TANC2: variants seen among roughly 807,000 people sequenced by gnomAD.
TANC2 encodes protein TANC2.
In TANC2, 26 loss-of-function variants were observed where a neutral mutation model predicts 210.5. That is an observed-to-expected ratio of 0.12 (90% CI 0.09 to 0.17). The LOEUF is 0.17. Among genes scored for constraint, TANC2 ranks in the 10% least tolerant of loss-of-function variants. The pLI is 1.00. For missense variants in TANC2, 2,129 were observed against 2,608.9 expected (o/e 0.82, Z 4.01); for synonymous variants, 931 against 967.1 (o/e 0.96, Z 0.69).
At chr17:63,084,480 C>T (rs907231214) in intron 3 of TANC2, among the ~76,000 whole-genome samples, 1 of 151,404 alleles carries the variant, frequency 6.6e-6, no homozygotes. Flanking sequence ...TCTATTGATT[C>T]CCATTTCCAA....
At chr17:63,206,659 T>C (rs554585900) in intron 7 of TANC2, among the ~76,000 whole-genome samples, 12 of 152,208 alleles carry the variant, frequency 7.9e-5, no homozygotes, top group African/African-American at 2.6e-4. Flanking sequence ...AGCTAAATCA[T>C]AGAGACAAAA....
At chr17:63,335,808 T>C (rs1413304931) in intron 11 of TANC2, among the ~76,000 whole-genome samples, 1 of 152,198 alleles carries the variant, frequency 6.6e-6, no homozygotes, top group East Asian at 1.9e-4. Flanking sequence ...GTTAATTTCC[T>C]GGTTTTGATA....
At chr17:63,276,565 T>C (rs1305459056) in intron 9 of TANC2, among the ~76,000 whole-genome samples, 4 of 151,876 alleles carry the variant, frequency 2.6e-5, no homozygotes. Context: ...CAGCAGTGAC[T>C]GCAGATTTTT....
At chr17:63,319,006 C>G in exon 11 of TANC2, 1 of 1,613,652 alleles carries the variant, frequency 6.2e-7, no homozygotes, top group Non-Finnish European at 8.5e-7. Context: ...CTTCAGCCCA[C>G]TCATCTATCA....
rs149792864 is a variant in TANC2, at chr17:63,043,140, TC to T, written c.68-30802del. ...GGCTTGGTTAGATTGAGAAATAGCTTCAGCAATTAATTAGTTAAGTAGATTG... is the reference window on the plus strand; with the variant it reads ...GGCTTGGTTAGATTGAGAAATAGCTTAGCAATTAATTAGTTAAGTAGATTG... On this transcript the variant is annotated intron_variant, in intron 2 of 27. Transcript: ENST00000689528. Among the ~76,000 whole-genome samples, 182 of 152,206 alleles carry T rather than the reference TC, an allele frequency of 1.2e-3. 1 individual carries two copies. The highest frequency in any genetic ancestry group is 4.2e-3 in the African/African-American group (176 of 41,552).
At position 63,339,954 on chromosome 17, in the gene TANC2, G is replaced by C. The variant is rs2046171762; in HGVS notation, c.1576-147G>C. On this transcript the variant is annotated intron_variant, in intron 11 of 27. Coordinates refer to ENST00000689528, the Ensembl canonical transcript of TANC2. ...AGTTAGTAGCTTTTATATTTACTTGGAAAAGTTGAGGAATGAAGAGACAAA... is the reference window on the plus strand; with the variant it reads ...AGTTAGTAGCTTTTATATTTACTTGCAAAAGTTGAGGAATGAAGAGACAAA... 9.4e-6 allele frequency: 6 copies of C among 635,548 alleles called. No homozygotes were observed. In the South Asian group the frequency reaches 1.2e-4, roughly 13 times the overall value. The allele number at this position is 635,548 out of a possible 1,614,324, so 39.4% of individuals were successfully genotyped here.
chr17:63,163,856 G>A (rs1171622009), intron 5 of TANC2, among the ~76,000 whole-genome samples: 1 of 152,168 alleles, frequency 6.6e-6, no homozygotes, highest in Non-Finnish European at 1.5e-5. Context: ...TATAGTCCAA[G>A]ATAGTAACTG....
chr17:63,118,343 TG>T (rs1336850101), intron 4 of TANC2, among the ~76,000 whole-genome samples: 2 of 152,226 alleles, frequency 1.3e-5, no homozygotes, highest in African/African-American at 4.8e-5. Context: ...AATTTACCTT[TG>T]TTTACTTGTA....
intron 14 of TANC2, among the ~76,000 whole-genome samples, chr17:63,368,197 T>C (rs2047165919): frequency 6.6e-6 from 1 of 152,120 alleles, no homozygotes; most frequent in Non-Finnish European, 1.5e-5. Flanking sequence ...TGGATAATAG[T>C]GATGGTACTA....
intron 9 of TANC2, among the ~76,000 whole-genome samples, chr17:63,293,003 T>C (rs2044427054): frequency 6.6e-6 from 1 of 152,232 alleles, no homozygotes; most frequent in Non-Finnish European, 1.5e-5. Flanking sequence ...GCTTTATTTA[T>C]TCTAATTTTC....
chr17:63,355,997 A>G (rs1020811085), intron 14 of TANC2, among the ~76,000 whole-genome samples: 4 of 152,166 alleles, frequency 2.6e-5, no homozygotes, highest in African/African-American at 4.8e-5. Context: ...TGCTGGATCA[A>G]CTTGCACAAA....
In TANC2 at chr17:63,412,663, T is replaced by C; in HGVS notation, c.3899-17T>C. 6.5e-7 allele frequency: 1 copy of C among 1,535,318 alleles called. No homozygotes were observed. Among genetic ancestry groups the C allele is most frequent in the Non-Finnish European group, 8.7e-7 (1 of 1,146,574 alleles). On this transcript the variant is annotated splice_polypyrimidine_tract_variant and intron_variant, in intron 23 of 27. Coordinates refer to ENST00000689528, the Ensembl canonical transcript of TANC2. This position sits in a 1 kb window ranked among gnomAD's most constrained non-coding sequence, Gnocchi z 4.2. ...TTTTCCTCTCCTACAACTTTTTGTT[T>C]TCTCCTTTCTTTGAAGGTTGTCAGA...
chr17:63,195,295 C>CT (rs1028701955), intron 6 of TANC2, among the ~76,000 whole-genome samples: 1 of 152,142 alleles, frequency 6.6e-6, no homozygotes, highest in Non-Finnish European at 1.5e-5. Context: ...GTATCTCAAA[C>CT]TTAACATGTC....
rs2049002099 is a variant in TANC2, at chr17:63,420,786, G to A, written c.5056G>A (p.Gly1686Arg). 9 of 1,613,870 alleles carry A rather than the reference G, an allele frequency of 5.6e-6. No homozygotes were observed. The highest frequency in any genetic ancestry group is 4.0e-5 in the African/African-American group (3 of 74,936). ...GCTCCCTGTGGCAGTTCCCCAGCAA[G>A]GGCTCAGGCTACAGCCTGCCAAGGC... Residue 1686 changes from glycine to arginine, a missense_variant, in exon 28 of 28, where the codon GGG (glycine) becomes AGG (arginine). Around this residue, in one of 5 missense-constraint regions of TANC2, gnomAD observed 584 missense variants for 627.3 expected, o/e 0.93. Coordinates refer to ENST00000689528, the Ensembl canonical transcript of TANC2. The surrounding 1 kb of genome is among the most constrained non-coding windows in gnomAD (Gnocchi z 4.2).
chr17:63,325,815 C>A lies in TANC2; in HGVS notation c.1575+6725C>A, dbSNP rs553876194. ...AGATTCATGTGTTCCGGGAATGAAT[C>A]TTGTTTGAGAATCTGGAATTCCACC... On this transcript the variant is annotated intron_variant, in intron 11 of 27. Transcript: ENST00000689528. Among the ~76,000 whole-genome samples the A allele has an allele frequency of 4.6e-5, 7 of 152,272 alleles. No individual in the cohort carries two copies. The East Asian group carries it at 7.7e-4, about 17-fold the overall frequency.
chr17:63,126,222 T>C (rs926897446), intron 4 of TANC2, among the ~76,000 whole-genome samples: 1 of 152,232 alleles, frequency 6.6e-6, no homozygotes, highest in Admixed American at 6.5e-5. Flanking sequence ...TTTAGCACAA[T>C]GCCTGGCATA....
chr17:63,411,946 A>C, intron 22 of TANC2, 52 bp from the exon 23 acceptor site: 2 of 1,599,990 alleles, frequency 1.3e-6, no homozygotes, highest in South Asian at 2.2e-5. Context: ...TCGGTGGAAC[A>C]GTGCTGAGCC....
intron 3 of TANC2, among the ~76,000 whole-genome samples, chr17:63,081,609 A>G (rs1047727873): frequency 1.3e-5 from 2 of 152,194 alleles, no homozygotes; most frequent in East Asian, 3.8e-4. Flanking sequence ...AAATCTGTAT[A>G]TTGGTTGATA....
Position 63,417,793 on chromosome 17 carries a change from T to C in TANC2, c.4168-514T>C, listed in dbSNP as rs1183106679. Among the ~76,000 whole-genome samples the C allele has an allele frequency of 5.9e-5, 9 of 152,244 alleles. 1 individual carries two copies. The East Asian group carries it at 1.4e-3, about 23-fold the overall frequency. On this transcript the variant is annotated intron_variant, in intron 26 of 27. Transcript: ENST00000689528. ...GAACCCAGGTCTGTCTGACACCCCCTCTCCCTCTAGTCTCTGTAGTCAGTG... is the reference window on the plus strand; with the variant it reads ...GAACCCAGGTCTGTCTGACACCCCCCCTCCCTCTAGTCTCTGTAGTCAGTG...
Sources: allele counts gnomAD v4.1 joint callset (sites outside exome capture counted in the v4.1 genomes callset), GRCh38; gene constraint gnomAD v4.1.1; regional missense constraint gnomAD v4.1.1; non-coding constraint Gnocchi (gnomAD v3.1); transcripts MANE v1.5; gene names NCBI Gene and HGNC (gene_info 2026-07-23, HGNC 2026-07-21).